NR2F2: variants seen among roughly 807,000 people sequenced by gnomAD.
NR2F2 encodes COUP transcription factor 2.
NR2F2 carries 2 observed loss-of-function variants against 34.8 expected under a neutral mutation model. That is an observed-to-expected ratio of 0.06 (90% CI 0.02 to 0.18). NR2F2 has a LOEUF of 0.18. NR2F2 is among the 10% of genes least tolerant of loss of function. The pLI, the probability that NR2F2 is intolerant of heterozygous loss-of-function variation, is 1.00. For synonymous variants in NR2F2, 274 were observed against 251.8 expected (o/e 1.09, Z -0.84); for missense variants, 300 against 580.1 (o/e 0.52, Z 4.96).
At chr15:96,336,743 C>T (rs1204629971) in intron 2 of NR2F2, among the ~76,000 whole-genome samples, 2 of 152,040 alleles carry the variant, frequency 1.3e-5, no homozygotes, top group East Asian at 1.9e-4. Flanking sequence ...AGAGAGATCA[C>T]GGTTTGCATG....
chr15:96,332,810 C>T (rs572983437), intron 1 of NR2F2, among the ~76,000 whole-genome samples: 12 of 152,068 alleles, frequency 7.9e-5, no homozygotes, highest in African/African-American at 2.7e-4. Context: ...TGGAGTCTGC[C>T]TTTCTGCAAG....
At position 96,331,212 on chromosome 15, in the gene NR2F2, C is replaced by G. The variant is rs1191865001; in HGVS notation, c.-894C>G. 1.0e-6 allele frequency: 1 copy of G among 976,554 alleles called. No homozygotes were observed. Among genetic ancestry groups the G allele is most frequent in the Admixed American group, 6.3e-5 (1 of 15,892 alleles). The allele number at this position is 976,554 out of a possible 1,614,324, so 60.5% of individuals were successfully genotyped here. A position where few individuals can be genotyped will look rare whatever the true frequency, so the allele number is the denominator to read the frequency against. On this transcript the variant is annotated 5_prime_UTR_variant, in exon 1 of 3. Coordinates refer to ENST00000394166, the MANE Select transcript of NR2F2 (RefSeq NM_021005.4). ...CGGGCGGCCCGCAGGGAACGGCGAG[C>G]GGCCTCCACCCAGCGACTGCGGGCG...
chr15:96,336,687 AAGGG>A (rs947673372), intron 2 of NR2F2, among the ~76,000 whole-genome samples: 14 of 152,014 alleles, frequency 9.2e-5, no homozygotes, highest in African/African-American at 3.1e-4. Context: ...GTAGGAGAAA[AAGGG>A]AGAGAGAAGA....
chr15:96,333,529 C>T (rs953325798), intron 1 of NR2F2: 3 of 1,008,406 alleles, frequency 3.0e-6, no homozygotes, highest in African/African-American at 1.7e-5. Flanking sequence ...ATTAGACAGA[C>T]GCCAGACCTC....
In NR2F2 at chr15:96,330,879, G is replaced by A; in HGVS notation, c.-1227G>A. On this transcript the variant is annotated 5_prime_UTR_variant, in exon 1 of 3. Coordinates refer to ENST00000394166, the MANE Select transcript of NR2F2 (RefSeq NM_021005.4). ...CTCCCCGAGTTGCCTCCTTTCTCCGGGTGCCGTACTGCCTTTTTTCCCCTC... is the reference window on the plus strand; with the variant it reads ...CTCCCCGAGTTGCCTCCTTTCTCCGAGTGCCGTACTGCCTTTTTTCCCCTC... The A allele has an allele frequency of 1.7e-6, 2 of 1,155,630 alleles. No individual in the cohort carries two copies. The highest frequency in any genetic ancestry group is 1.1e-6 in the Non-Finnish European group (1 of 938,500). 71.6% of individuals were successfully genotyped at this position (1,155,630 alleles called of 1,614,324 possible).
In NR2F2 at chr15:96,334,522, G is replaced by A; in HGVS notation, c.889G>A (p.Glu297Lys). 1 of 1,613,700 alleles carries A rather than the reference G, an allele frequency of 6.2e-7. No homozygotes were observed. The highest frequency in any genetic ancestry group is 1.7e-5 in the Admixed American group (1 of 60,036). Residue 297 changes from glutamate to lysine, a missense_variant, in exon 2 of 3, where the codon GAG becomes AAG. Glu to Lys is a moderately conservative substitution (Grantham distance 56, BLOSUM62 1). This residue lies in a region of NR2F2 where 164 missense variants were observed against 365.3 expected (regional missense o/e 0.45). Coordinates refer to ENST00000394166, the MANE Select transcript of NR2F2 (RefSeq NM_021005.4). ...TATGGACCACATACGGATCTTCCAA[G>A]AGCAAGTGGAGAAGCTCAAGGCGCT... The part of the protein sequence containing the change: ...AFMDHIRIFQ[E>K]QVEKLKALHV...
Position 96,332,269 on chromosome 15 carries a change from C to T in NR2F2, c.164C>T (p.Thr55Met), listed in dbSNP as rs770217449. The T allele has an allele frequency of 6.5e-7, 1 of 1,549,654 alleles. No individual in the cohort carries two copies. Among genetic ancestry groups the T allele is most frequent in the Non-Finnish European group, 8.7e-7 (1 of 1,148,276 alleles). ...QGGPASTPAQTAAGGQGGPGG... is the reference protein window; with the variant it reads ...QGGPASTPAQMAAGGQGGPGG... ...GGCCCAGCCAGCACGCCAGCCCAGA[C>T]GGCGGCCGGTGGCCAGGGCGGCCCT... The change falls in exon 1 of 3, where the codon ACG (threonine) becomes ATG (methionine). Residue 55 changes from threonine to methionine, a missense_variant. Physicochemically the swap from Thr to Met is moderately conservative, Grantham distance 81. Coordinates refer to ENST00000394166, the MANE Select transcript of NR2F2 (RefSeq NM_021005.4).
At position 96,332,035 on chromosome 15, in the gene NR2F2, G is replaced by A. The variant is rs529676483; in HGVS notation, c.-71G>A. 46 of 1,242,696 alleles carry A rather than the reference G, an allele frequency of 3.7e-5. No homozygotes were observed. The South Asian group carries it at 1.2e-3, about 34-fold the overall frequency. The allele number at this position is 1,242,696 out of a possible 1,614,324, so 77.0% of individuals were successfully genotyped here. A position where few individuals can be genotyped will look rare whatever the true frequency, so the allele number is the denominator to read the frequency against. On this transcript the variant is annotated 5_prime_UTR_variant, in exon 1 of 3. Transcript: ENST00000394166. ...GGCGGCGCGCCGGAGCCCGAGACCC[G>A]GGGAGCCGCCGCCGCCCCGCCGCCG...
chr15:96,337,293 C>CTTCTTCTTCTTCTTT (rs1899355647), intron 2 of NR2F2, 55 bp from the exon 3 acceptor site: 4 of 1,577,056 alleles, frequency 2.5e-6, no homozygotes, highest in Non-Finnish European at 2.6e-6. Flanking sequence ...TCTTCTTCTT[C>CTTCTTCTTCTTCTTT]TTCTTCTTCT....
intron 2 of NR2F2, among the ~76,000 whole-genome samples, chr15:96,334,829 C>T (rs1899273658): frequency 6.6e-6 from 1 of 152,270 alleles, no homozygotes; most frequent in Non-Finnish European, 1.5e-5. Context: ...ATAGATTCCC[C>T]ACATGGGCCA....
At chr15:96,329,343 G>A (rs1458835779), upstream of NR2F2, among the ~76,000 whole-genome samples, 1 of 152,192 alleles carries the variant, frequency 6.6e-6, no homozygotes, top group Non-Finnish European at 1.5e-5. Flanking sequence ...CAGACACCCT[G>A]GAATTCAAAG....
At position 96,337,281 on chromosome 15, in the gene NR2F2, A is replaced by ATTC. The variant is rs3833035; in HGVS notation, c.971-43_971-41dup. The ATTC allele has an allele frequency of 0.021, 32,111 of 1,498,604 alleles. 270 individuals are homozygous for ATTC. The highest frequency in any genetic ancestry group is 0.023 in the Non-Finnish European group (24,915 of 1,094,214). 92.8% of individuals were successfully genotyped at this position (1,498,604 alleles called of 1,614,324 possible). A position where few individuals can be genotyped will look rare whatever the true frequency, so the allele number is the denominator to read the frequency against. ...TCAAACCTCTTAATCTGATGACTGA[A>ATTC]TTCTTCTTCTTCTTCTTCTTCTTCT... is the stretch of plus-strand genomic sequence containing the variant. On this transcript the variant is annotated intron_variant, in intron 2 of 2. Transcript: ENST00000394166.
At chr15:96,330,142 C>A (rs1403071224), upstream of NR2F2, among the ~76,000 whole-genome samples, 3 of 152,294 alleles carry the variant, frequency 2.0e-5, no homozygotes, top group South Asian at 6.2e-4. Context: ...TGCAAAGAAA[C>A]CAGGGAACTT....
chr15:96,330,919 T>C lies in NR2F2; in HGVS notation c.-1187T>C, dbSNP rs1045918294. ...TTTTTCCCCTCTTTCATTCTTTCTC[T>C]CCGTCTTTTTCTCCCCCCTCTGCGC... On this transcript the variant is annotated 5_prime_UTR_variant, in exon 1 of 3. Coordinates refer to ENST00000394166, the MANE Select transcript of NR2F2 (RefSeq NM_021005.4). 3.5e-6 allele frequency: 4 copies of C among 1,132,920 alleles called. No homozygotes were observed. Among genetic ancestry groups the C allele is most frequent in the Admixed American group, 9.9e-5 (2 of 20,208 alleles). 70.2% of individuals were successfully genotyped at this position (1,132,920 alleles called of 1,614,324 possible).
rs1899152179 is a variant in NR2F2, at chr15:96,331,790, CCTG to C, written c.-315_-313del. Reference sequence around the variant, plus strand: ...TCCACGTTCTGCTCCCACTCGCTCTCCTGTCCCCTTCCCCTCCCCTCCCGGCGG... The same window carrying C: ...TCCACGTTCTGCTCCCACTCGCTCTCTCCCCTTCCCCTCCCCTCCCGGCGG... On this transcript the variant is annotated 5_prime_UTR_variant, in exon 1 of 3. Transcript: ENST00000394166. 1 of 1,200,522 alleles carries C rather than the reference CCTG, an allele frequency of 8.3e-7. No individual in the cohort carries two copies. Among genetic ancestry groups the C allele is most frequent in the South Asian group, 4.3e-5 (1 of 23,184 alleles). The allele number at this position is 1,200,522 out of a possible 1,614,324, so 74.4% of individuals were successfully genotyped here. A position where few individuals can be genotyped will look rare whatever the true frequency, so the allele number is the denominator to read the frequency against.
rs771221718 is a variant in NR2F2 at position 96,332,243 on chromosome 15, G to C, written c.138G>C (p.Gly46=). ...ACACGCCACAGACGCCCGGCCAAGGGGGCCCAGCCAGCACGCCAGCCCAGA... is the reference window on the plus strand; with the variant it reads ...ACACGCCACAGACGCCCGGCCAAGGCGGCCCAGCCAGCACGCCAGCCCAGA... ...APHTPQTPGQ[G]GPASTPAQTA... The change falls in exon 1 of 3, where the codon GGG becomes GGC. Residue 46 remains glycine, a synonymous_variant. Coordinates refer to ENST00000394166, the MANE Select transcript of NR2F2 (RefSeq NM_021005.4). 2.6e-6 allele frequency: 4 copies of C among 1,539,484 alleles called. 1 individual carries two copies. The highest frequency in any genetic ancestry group is 1.7e-4 in the Middle Eastern group (1 of 5,718).
intron 2 of NR2F2, among the ~76,000 whole-genome samples, chr15:96,336,744 G>A (rs1325291239): frequency 6.6e-6 from 1 of 152,102 alleles, no homozygotes; most frequent in African/African-American, 2.4e-5. Context: ...GAGAGATCAC[G>A]GTTTGCATGG....
Position 96,331,352 on chromosome 15 carries a change from A to C in NR2F2, c.-754A>C. The C allele has an allele frequency of 8.2e-7, 1 of 1,213,746 alleles. No individual in the cohort carries two copies. Among genetic ancestry groups the C allele is most frequent in the Non-Finnish European group, 1.0e-6 (1 of 976,628 alleles). The allele number at this position is 1,213,746 out of a possible 1,614,324, so 75.2% of individuals were successfully genotyped here. ...CCCGACGCGGACCACTTTCATGCTG[A>C]TTCCCCCGGACCCGGGCAGCGCTCC... On this transcript the variant is annotated 5_prime_UTR_variant, in exon 1 of 3. Coordinates refer to ENST00000394166, the MANE Select transcript of NR2F2 (RefSeq NM_021005.4).
upstream of NR2F2, chr15:96,327,216 G>A (rs771135466): frequency 3.3e-5 from 5 of 151,468 alleles, no homozygotes; most frequent in Admixed American, 1.3e-4. Flanking sequence ...CCAGTGACTC[G>A]GGAAACGCAG....
Sources: allele counts gnomAD v4.1 joint callset (sites outside exome capture counted in the v4.1 genomes callset), GRCh38; gene constraint gnomAD v4.1.1; regional missense constraint gnomAD v4.1.1; transcripts MANE v1.5; gene names NCBI Gene and HGNC (gene_info 2026-07-23, HGNC 2026-07-21).